Variants in TNPO3 observed in about 807,000 individuals in gnomAD.
TNPO3 encodes the protein transportin-3.
TNPO3 carries 65 observed loss-of-function variants against 122.8 expected under a neutral mutation model. The observed-to-expected ratio is 0.53, with a 90% CI of 0.43 to 0.65. TNPO3 has a LOEUF of 0.65. TNPO3 is among the 30% of genes least tolerant of loss of function. TNPO3 has a pLI of 0.00. For missense variants in TNPO3, 850 were observed against 1,136.7 expected (o/e 0.75, Z 3.63); for synonymous variants, 372 against 411.2 (o/e 0.90, Z 1.15).
chr7:128,989,924 C>A, intron 11 of TNPO3, 37 bp downstream of exon 11: 1 of 1,589,716 alleles, frequency 6.3e-7, no homozygotes, highest in Non-Finnish European at 8.6e-7. Context: ...AGAAAAATGA[C>A]AAGTTAGAAG....
intron 1 of TNPO3, among the ~76,000 whole-genome samples, chr7:129,022,984 AATG>A (rs1445692991): frequency 6.6e-6 from 1 of 152,250 alleles, no homozygotes; most frequent in African/African-American, 2.4e-5. Flanking sequence ...AGTGGTATGT[AATG>A]ATTACAAGCT....
intron 1 of TNPO3, among the ~76,000 whole-genome samples, chr7:129,037,091 A>G (rs147438764): frequency 6.6e-6 from 1 of 152,370 alleles, no homozygotes; most frequent in East Asian, 1.9e-4. Flanking sequence ...AACAATGGAA[A>G]AGCAGTGAAG....
chr7:128,990,176 C>T, intron 10 of TNPO3, 76 bp from the exon 11 acceptor site: 2 of 1,470,210 alleles, frequency 1.4e-6, no homozygotes, highest in Non-Finnish European at 1.9e-6. Flanking sequence ...GCTGTGACGA[C>T]ACACAGCATT....
intron 21 of TNPO3, among the ~76,000 whole-genome samples, chr7:128,965,160 T>A (rs1281855542): frequency 2.6e-5 from 4 of 152,264 alleles, no homozygotes; most frequent in Admixed American, 2.6e-4. Context: ...ACCTAAAGAA[T>A]GGAGGAAAAT....
At chr7:129,013,154 A>T (rs1803411227) in intron 4 of TNPO3, among the ~76,000 whole-genome samples, 1 of 152,216 alleles carries the variant, frequency 6.6e-6, no homozygotes, top group Admixed American at 6.5e-5. Context: ...AATGGATTAA[A>T]GACTTAAATG....
intron 4 of TNPO3, among the ~76,000 whole-genome samples, chr7:129,007,585 A>G (rs1180378965): frequency 1.3e-5 from 2 of 152,244 alleles, no homozygotes; most frequent in Admixed American, 1.3e-4. Context: ...TAAGCATGTC[A>G]GCTTGAAGTA....
intron 1 of TNPO3, among the ~76,000 whole-genome samples, chr7:129,050,817 T>C (rs1270488923): frequency 6.6e-6 from 1 of 151,974 alleles, no homozygotes; most frequent in Non-Finnish European, 1.5e-5. Flanking sequence ...AGAAAAGCAA[T>C]GAGAGAAAGG....
chr7:129,022,649 AAG>A (rs1804661362), intron 1 of TNPO3, among the ~76,000 whole-genome samples: 1 of 152,106 alleles, frequency 6.6e-6, no homozygotes, highest in South Asian at 2.1e-4. Context: ...TCTATATAAA[AAG>A]AGCAACTGAT....
intron 11 of TNPO3, among the ~76,000 whole-genome samples, 164 bp from the exon 12 acceptor site, chr7:128,987,084 GC>G (rs1800240477): frequency 6.6e-6 from 1 of 152,074 alleles, no homozygotes; most frequent in Non-Finnish European, 1.5e-5. Context: ...TAAAAATAGA[GC>G]TGATCTCACT....
Position 128,976,057 on chromosome 7 carries a change from T to C in TNPO3, c.2062-122A>G. 5 of 699,576 alleles carry C rather than the reference T, an allele frequency of 7.1e-6. No homozygotes were observed. In the South Asian group the frequency reaches 7.9e-5, roughly 11 times the overall value. The allele number at this position is 699,576 out of a possible 1,614,324, so 43.3% of individuals were successfully genotyped here. Reference sequence around the variant, plus strand: ...TTCTTCTCTTTAAGGCAACATAGTATAAAGCTTCTTAGCACTATTTTGTGA... The same window carrying C: ...TTCTTCTCTTTAAGGCAACATAGTACAAAGCTTCTTAGCACTATTTTGTGA... On this transcript the variant is annotated intron_variant, in intron 16 of 22. Coordinates refer to ENST00000265388, the MANE Select transcript of TNPO3 (RefSeq NM_012470.4).
rs557633311 is a variant in TNPO3 at position 129,034,964 on chromosome 7, T to C, written c.121-16807A>G. Among the ~76,000 whole-genome samples, 51 of 147,154 alleles carry C rather than the reference T, an allele frequency of 3.5e-4. No individual in the cohort carries two copies. The South Asian group carries it at 0.011, about 32-fold the overall frequency. On this transcript the variant is annotated intron_variant, in intron 1 of 22. Transcript: ENST00000265388. ...CATCTCAGGAAGGAAACATCATTTA[T>C]CTCTTCAACTTTTCTTAAACAACAT...
chr7:128,998,800 T>A (rs1801615597), intron 7 of TNPO3, among the ~76,000 whole-genome samples: 1 of 152,156 alleles, frequency 6.6e-6, no homozygotes, highest in Non-Finnish European at 1.5e-5. Context: ...TTAAGAGGTA[T>A]GAACCTCATT....
chr7:129,019,062 C>T (rs977619952), intron 1 of TNPO3, among the ~76,000 whole-genome samples: 7 of 152,174 alleles, frequency 4.6e-5, no homozygotes, highest in South Asian at 4.1e-4. Context: ...CAAAGTGCTA[C>T]ACATGTTACT....
intron 11 of TNPO3, 134 bp downstream of exon 11, chr7:128,989,827 T>C: frequency 2.1e-6 from 2 of 935,070 alleles, no homozygotes; most frequent in South Asian, 3.5e-5. Context: ...TTACAACATA[T>C]TGTTTACTCT....
chr7:129,018,894 T>C lies in TNPO3; in HGVS notation c.121-737A>G, dbSNP rs141985640. ...CCACCACACCCAGCTAATATTTGTA[T>C]TTTTAGTAGAGGCGAGGTTTCACCA... On this transcript the variant is annotated intron_variant, in intron 1 of 22. Transcript: ENST00000265388. Among the ~76,000 whole-genome samples, 21 of 152,152 alleles carry C rather than the reference T, an allele frequency of 1.4e-4. 1 individual carries two copies. Among genetic ancestry groups the C allele is most frequent in the African/African-American group, 4.6e-4 (19 of 41,434 alleles).
chr7:128,998,211 G>A (rs1341554673), intron 7 of TNPO3, among the ~76,000 whole-genome samples: 1 of 151,910 alleles, frequency 6.6e-6, no homozygotes, highest in African/African-American at 2.4e-5. Flanking sequence ...ACAAAAATTA[G>A]CCAGGCATGT....
intron 16 of TNPO3, among the ~76,000 whole-genome samples, 171 bp downstream of exon 16, chr7:128,978,812 A>G (rs1799336034): frequency 6.6e-6 from 1 of 152,062 alleles, no homozygotes; most frequent in Admixed American, 6.6e-5. Context: ...TTGTATTTTT[A>G]GTAGAGACAG....
At chr7:128,957,446 C>T (rs929159062) in intron 21 of TNPO3, 131 bp from the exon 22 acceptor site, 13 of 871,100 alleles carry the variant, frequency 1.5e-5, no homozygotes, top group South Asian at 2.9e-5. Flanking sequence ...GTCTCCTGAG[C>T]GATCCTGGCT....
chr7:129,033,185 G>C (rs904793767), intron 1 of TNPO3, among the ~76,000 whole-genome samples: 2 of 152,102 alleles, frequency 1.3e-5, no homozygotes, highest in African/African-American at 2.4e-5. Flanking sequence ...AGACCTAAAC[G>C]TAAGACCTGA....
Sources: allele counts gnomAD v4.1 joint callset (sites outside exome capture counted in the v4.1 genomes callset), GRCh38; gene constraint gnomAD v4.1.1; transcripts MANE v1.5; gene names NCBI Gene and HGNC (gene_info 2026-07-23, HGNC 2026-07-21).